Variants in DDX60L observed in about 807,000 individuals in gnomAD.
DDX60L encodes the protein probable ATP-dependent RNA helicase DDX60-like.
DDX60L carries 191 observed loss-of-function variants against 211.6 expected under a neutral mutation model. The observed-to-expected ratio is 0.90, with a 90% CI of 0.80 to 1.02. The LOEUF (loss-of-function observed/expected upper bound fraction) is 1.02, where lower values mean the gene tolerates loss of function less well. Ranked by LOEUF, DDX60L falls within the 50% of genes least tolerant of loss-of-function variation. The pLI, the probability that DDX60L is intolerant of heterozygous loss-of-function variation, is 0.00. For missense variants in DDX60L, 2,007 were observed against 1,984.1 expected (o/e 1.01, Z -0.22); for synonymous variants, 706 against 694.1 (o/e 1.02, Z -0.27).
chr4:168,376,974 A>G (rs1014585002), intron 33 of DDX60L, among the ~76,000 whole-genome samples: 4 of 152,208 alleles, frequency 2.6e-5, no homozygotes, highest in Non-Finnish European at 4.4e-5. Flanking sequence ...CAGAACATTG[A>G]GTAATTATAC....
chr4:168,419,406 A>G lies in DDX60L; in HGVS notation c.2515-9T>C. On this transcript the variant is annotated splice_polypyrimidine_tract_variant and intron_variant, in intron 18 of 37. Coordinates refer to ENST00000682922, the MANE Select transcript of DDX60L (RefSeq NM_001012967.3). ...GGCACTGTAATAAGTACCTACAAAT[A>G]TGAATGATTAGTGTAGCTAACTTTA... 1 of 1,560,250 alleles carries G rather than the reference A, an allele frequency of 6.4e-7. No homozygotes were observed. The highest frequency in any genetic ancestry group is 8.7e-7 in the Non-Finnish European group (1 of 1,148,730).
intron 9 of DDX60L, among the ~76,000 whole-genome samples, chr4:168,448,207 T>G (rs1755120482): frequency 2.0e-5 from 3 of 152,200 alleles, no homozygotes; most frequent in Admixed American, 1.3e-4. Context: ...TGAAATGTTT[T>G]ATTATTCTCT....
intron 13 of DDX60L, 105 bp downstream of exon 13, chr4:168,430,373 A>G: frequency 6.0e-6 from 6 of 996,458 alleles, no homozygotes; most frequent in Non-Finnish European, 8.6e-6. Context: ...CAGTTAGCAA[A>G]CATGAGAAAG....
At chr4:168,399,567 C>A (rs1746431556) in intron 26 of DDX60L, among the ~76,000 whole-genome samples, 1 of 152,166 alleles carries the variant, frequency 6.6e-6, no homozygotes, top group African/African-American at 2.4e-5. Context: ...AACAGAACAA[C>A]CAGACCAGCA....
intron 33 of DDX60L, 117 bp downstream of exon 33, chr4:168,378,237 T>C (rs1444124211): frequency 1.8e-6 from 1 of 541,520 alleles, no homozygotes; most frequent in Non-Finnish European, 3.1e-6. Context: ...AAGACAACAC[T>C]ATTAAAACAA....
At chr4:168,390,485 G>A in intron 29 of DDX60L, 1 of 1,386,860 alleles carries the variant, frequency 7.2e-7, no homozygotes, top group Non-Finnish European at 9.3e-7. Context: ...CCTTTTCTCT[G>A]TAAAATCACA....
intron 17 of DDX60L, among the ~76,000 whole-genome samples, chr4:168,421,299 A>G (rs989642507): frequency 2.6e-5 from 4 of 152,202 alleles, no homozygotes; most frequent in African/African-American, 9.6e-5. Flanking sequence ...ATATTTTCTA[A>G]AAATAAGTAT....
intron 5 of DDX60L, among the ~76,000 whole-genome samples, chr4:168,460,420 C>T (rs532830496): frequency 1.4e-4 from 21 of 152,240 alleles, no homozygotes; most frequent in African/African-American, 4.8e-4. Flanking sequence ...CTCCATGTTA[C>T]CCATCATTTC....
chr4:168,468,124 G>GC (rs1758264357), intron 4 of DDX60L, among the ~76,000 whole-genome samples: 1 of 152,050 alleles, frequency 6.6e-6, no homozygotes, highest in Admixed American at 6.6e-5. Flanking sequence ...CCGAGACCAT[G>GC]CCTTTGTACT....
intron 29 of DDX60L, 80 bp downstream of exon 29, chr4:168,391,460 G>T: frequency 1.1e-6 from 1 of 915,920 alleles, no homozygotes; most frequent in Non-Finnish European, 1.8e-6. Context: ...ACCGTAGCCT[G>T]TTACCAGATG....
chr4:168,466,198 G>A (rs749593410), intron 4 of DDX60L, among the ~76,000 whole-genome samples: 33 of 151,768 alleles, frequency 2.2e-4, no homozygotes, highest in Admixed American at 4.6e-4. Flanking sequence ...ATAAAGACAA[G>A]AGTAGAAATC....
At chr4:168,466,685 C>T (rs1758034181) in intron 4 of DDX60L, among the ~76,000 whole-genome samples, 1 of 152,206 alleles carries the variant, frequency 6.6e-6, no homozygotes, top group Non-Finnish European at 1.5e-5. Context: ...TTGTCACTAG[C>T]AGCTAGCCAA....
At chr4:168,370,347 C>T (rs1458852572) in intron 36 of DDX60L, among the ~76,000 whole-genome samples, 4 of 151,970 alleles carry the variant, frequency 2.6e-5, no homozygotes, top group Non-Finnish European at 5.9e-5. Flanking sequence ...CATGATATCA[C>T]TCACATGTAA....
intron 6 of DDX60L, among the ~76,000 whole-genome samples, chr4:168,457,267 C>T (rs200348496): frequency 0.3 from 44,048 of 149,070 alleles, 7,964 homozygotes; most frequent in East Asian, 0.62. Context: ...TACATACACA[C>T]ACACACACAC....
At chr4:168,409,831 AT>A (rs1211429521) in intron 22 of DDX60L, among the ~76,000 whole-genome samples, 31 of 152,232 alleles carry the variant, frequency 2.0e-4, no homozygotes, top group Non-Finnish European at 3.1e-4. Context: ...TAGTCTGACA[AT>A]TACTAACTGA....
intron 37 of DDX60L, 71 bp from the exon 38 acceptor site, chr4:168,358,347 G>A: frequency 1.7e-6 from 2 of 1,174,676 alleles, no homozygotes. Context: ...TTATTAAAAG[G>A]TTAGCAGAAG....
At chr4:168,425,524 C>T (rs9995381) in intron 14 of DDX60L, among the ~76,000 whole-genome samples, 2,134 of 152,264 alleles carry the variant, frequency 0.014, 42 homozygotes, top group African/African-American at 0.048. Context: ...CTCTTTGGGA[C>T]GCCCTGGCGG....
Position 168,379,454 on chromosome 4 carries a change from T to C in DDX60L, c.4272A>G (p.Ser1424=). The change falls in exon 32 of 38, where the codon TCA becomes TCG. Residue 1424 remains serine (S), a synonymous_variant. Transcript: ENST00000682922. ...GNPKKFAGLA[S]YLHGHEPSNL... Reference sequence around the variant, plus strand: ...TTGAAGGTTCATGACCATGCAAATATGATGCAAGTCCTGCAAATTTCTTTG... The same window carrying C: ...TTGAAGGTTCATGACCATGCAAATACGATGCAAGTCCTGCAAATTTCTTTG... 4 of 1,597,470 alleles carry C rather than the reference T, an allele frequency of 2.5e-6. No homozygotes were observed. The South Asian group carries it at 3.5e-5, about 14-fold the overall frequency.
At chr4:168,455,773 C>T (rs1756480740) in intron 7 of DDX60L, among the ~76,000 whole-genome samples, 2 of 152,220 alleles carry the variant, frequency 1.3e-5, no homozygotes, top group East Asian at 1.9e-4. Flanking sequence ...CCAGATAAAA[C>T]TTGCTGTACA....
Sources: gnomAD v4.1 joint callset for allele counts (sites outside exome capture counted in the v4.1 genomes callset) on GRCh38, gnomAD v4.1.1 for gene constraint, MANE v1.5 for transcripts, NCBI Gene and HGNC (gene_info 2026-07-23, HGNC 2026-07-21) for gene names.